Variants in HADH observed in about 807,000 individuals in gnomAD.
HADH encodes the protein hydroxyacyl-CoA dehydrogenase, also known as hydroxyacyl-coenzyme A dehydrogenase, mitochondrial.
A neutral mutation model predicts 32.2 loss-of-function variants in HADH; 24 were observed. The observed-to-expected ratio is 0.75, with a 90% CI of 0.54 to 1.05. HADH has a LOEUF of 1.05. Among genes scored for constraint, HADH ranks in the 50% least tolerant of loss-of-function variants. The pLI, the probability that HADH is intolerant of heterozygous loss-of-function variation, is 0.00. For synonymous variants in HADH, 139 were observed against 152.5 expected (o/e 0.91, Z 0.65); for missense variants, 350 against 397.1 (o/e 0.88, Z 1.01).
intron 1 of HADH, among the ~76,000 whole-genome samples, 185 bp from the exon 2 acceptor site, chr4:108,009,574 G>C (rs754715335): frequency 2.0e-5 from 3 of 152,184 alleles, no homozygotes; most frequent in Admixed American, 6.5e-5. Context: ...GTTTAGAACA[G>C]TGCCTGGCAA....
At chr4:108,008,188 C>G (rs148459240) in intron 1 of HADH, among the ~76,000 whole-genome samples, 1 of 152,280 alleles carries the variant, frequency 6.6e-6, no homozygotes, top group Admixed American at 6.5e-5. Flanking sequence ...GCTGCCTGCC[C>G]GCAGCCTGTG....
At chr4:107,990,189 C>G in intron 1 of HADH, 125 bp downstream of exon 1, 4 of 984,142 alleles carry the variant, frequency 4.1e-6, no homozygotes, top group Non-Finnish European at 5.9e-6. Context: ...CCCCGCGCCT[C>G]CCGGGTGTAG....
chr4:108,002,703 C>A (rs1022606934), intron 1 of HADH, among the ~76,000 whole-genome samples: 2 of 152,178 alleles, frequency 1.3e-5, no homozygotes, highest in South Asian at 4.1e-4. Flanking sequence ...CAGCAAGGCA[C>A]CATCTTGGAA....
At chr4:108,022,278 AT>A in intron 4 of HADH, among the ~76,000 whole-genome samples, 2 of 151,320 alleles carry the variant, frequency 1.3e-5, no homozygotes, top group Non-Finnish European at 2.9e-5. Flanking sequence ...AAAAATATAT[AT>A]ATATATACTT....
Position 108,027,767 on chromosome 4 carries a change from T to C in HADH, c.709+7T>C, listed in dbSNP as rs2126237034. 1 of 1,569,028 alleles carries C rather than the reference T, an allele frequency of 6.4e-7. No homozygotes were observed. Among genetic ancestry groups the C allele is most frequent in the Non-Finnish European group, 8.8e-7 (1 of 1,138,870 alleles). Reference sequence around the variant, plus strand: ...ATCAGGCTGTATGAACGAGGTATCCTTCTGACCCAGGCCAGGAGCAGCAGA... The same window carrying C: ...ATCAGGCTGTATGAACGAGGTATCCCTCTGACCCAGGCCAGGAGCAGCAGA... On this transcript the variant is annotated splice_region_variant and intron_variant, in intron 6 of 7. Coordinates refer to ENST00000309522, the MANE Select transcript of HADH (RefSeq NM_005327.7).
intron 1 of HADH, among the ~76,000 whole-genome samples, chr4:107,997,786 C>A (rs1435514475): frequency 1.3e-5 from 2 of 152,098 alleles, no homozygotes; most frequent in African/African-American, 4.8e-5. Context: ...AAGAGTCCTC[C>A]TCATTTGTTG....
intron 3 of HADH, among the ~76,000 whole-genome samples, chr4:108,017,683 T>C (rs773447686): frequency 4.6e-5 from 7 of 151,990 alleles, no homozygotes; most frequent in Non-Finnish European, 7.4e-5. Context: ...GCCTCCCTAG[T>C]GGCTGGGATT....
intron 2 of HADH, among the ~76,000 whole-genome samples, chr4:108,013,669 A>C (rs1735583553): frequency 6.6e-6 from 1 of 152,156 alleles, no homozygotes; most frequent in Admixed American, 6.6e-5. Context: ...TCTAGATAGA[A>C]ATGTGCTCTG....
Position 107,990,922 on chromosome 4 carries a change from A to G in HADH, c.132+858A>G, listed in dbSNP as rs563715944. 2.1e-3 allele frequency among the ~76,000 whole-genome samples: 323 copies of G among 151,974 alleles called. 1 individual carries two copies. The highest frequency in any genetic ancestry group is 3.9e-3 in the Non-Finnish European group (264 of 67,960). The stretch of plus-strand genomic sequence containing the variant: ...CCCGCCCGGCTAATTTTATATTTTT[A>G]GTAGAGACAGGGTTTCACCTTGTGG... On this transcript the variant is annotated intron_variant, in intron 1 of 7. Transcript: ENST00000309522.
At chr4:108,026,595 G>T (rs1343253960) in intron 5 of HADH, 1 of 152,212 alleles carries the variant, frequency 6.6e-6, no homozygotes, top group South Asian at 2.1e-4. Context: ...GTTAGGGCTT[G>T]GTTTCAGTTT....
chr4:107,996,936 G>A (rs1246673689), intron 1 of HADH, among the ~76,000 whole-genome samples: 2 of 151,826 alleles, frequency 1.3e-5, no homozygotes, highest in Non-Finnish European at 2.9e-5. Flanking sequence ...TTGTGGTGGT[G>A]GTGGTTGACA....
chr4:107,991,882 C>G (rs1356585143), intron 1 of HADH, among the ~76,000 whole-genome samples: 1 of 152,128 alleles, frequency 6.6e-6, no homozygotes, highest in Non-Finnish European at 1.5e-5. Context: ...GGAAATGGAT[C>G]CAGAAACTTG....
rs1176965438 is a variant in HADH, at chr4:108,010,347, T to C, written c.261+460T>C. On this transcript the variant is annotated intron_variant, in intron 2 of 7. Coordinates refer to ENST00000309522, the MANE Select transcript of HADH (RefSeq NM_005327.7). Reference sequence around the variant, plus strand: ...CCAGGAGCAGAAGAGATAGAAGAATTTGAGGAACTCTGTGGAGGCTGGGAA... The same window carrying C: ...CCAGGAGCAGAAGAGATAGAAGAATCTGAGGAACTCTGTGGAGGCTGGGAA... Among the ~76,000 whole-genome samples, 5 of 152,312 alleles carry C rather than the reference T, an allele frequency of 3.3e-5. No individual in the cohort carries two copies. In the East Asian group the frequency reaches 9.6e-4, roughly 29 times the overall value.
intron 1 of HADH, chr4:108,004,838 A>G (rs17510991): frequency 0.052 from 79,622 of 1,535,882 alleles, 2,281 homozygotes; most frequent in Non-Finnish European, 0.059. Context: ...AGGAAGGAAC[A>G]TGACCCTGCG....
chr4:108,021,450 G>T (rs1041715934), intron 4 of HADH, among the ~76,000 whole-genome samples: 4 of 152,136 alleles, frequency 2.6e-5, no homozygotes, highest in African/African-American at 9.7e-5. Flanking sequence ...TCCTTGTGTT[G>T]CTGGTGGTGT....
At chr4:108,023,379 C>G in intron 4 of HADH, 95 bp from the exon 5 acceptor site, 1 of 776,858 alleles carries the variant, frequency 1.3e-6, no homozygotes, top group Non-Finnish European at 2.4e-6. Flanking sequence ...ATTTTTGTTG[C>G]CTATATGGAG....
chr4:108,032,846 G>T, intron 6 of HADH: 2 of 372,130 alleles, frequency 5.4e-6, no homozygotes, highest in South Asian at 2.4e-5. Flanking sequence ...GCCTTGTGTG[G>T]GGGCGCACAC....
chr4:107,996,444 A>G (rs1255310193), intron 1 of HADH, among the ~76,000 whole-genome samples: 1 of 152,226 alleles, frequency 6.6e-6, no homozygotes, highest in African/African-American at 2.4e-5. Flanking sequence ...CTGGGTTATT[A>G]TGAAACCTAC....
At chr4:108,018,081 A>C (rs929683425) in intron 3 of HADH, among the ~76,000 whole-genome samples, 1 of 152,184 alleles carries the variant, frequency 6.6e-6, no homozygotes, top group Non-Finnish European at 1.5e-5. Flanking sequence ...AATGTGCCCA[A>C]GTTTCCCCTT....
Sources: gnomAD v4.1 joint callset for allele counts (sites outside exome capture counted in the v4.1 genomes callset) on GRCh38, gnomAD v4.1.1 for gene constraint, MANE v1.5 for transcripts, NCBI Gene and HGNC (gene_info 2026-07-23, HGNC 2026-07-21) for gene names.